The following DSCAM variants were observed in gnomAD, a reference collection of about 807,000 sequenced individuals.
DSCAM encodes the protein DS cell adhesion molecule.
A neutral mutation model predicts 217.7 loss-of-function variants in DSCAM; 47 were observed. The observed-to-expected ratio is 0.22, with a 90% CI of 0.17 to 0.28. DSCAM has a LOEUF of 0.28. Among genes scored for constraint, DSCAM ranks in the 10% least tolerant of loss-of-function variants. The pLI is 1.00. For synonymous variants in DSCAM, 1,056 were observed against 1,015.3 expected, an observed-to-expected ratio of 1.04 and a Z score of -0.76; for missense variants, 2,080 against 2,618.3, an observed-to-expected ratio of 0.79 and a Z score of 4.49.
intron 23 of DSCAM, among the ~76,000 whole-genome samples, chr21:40,084,978 T>C (rs1189119024): frequency 6.6e-6 from 1 of 152,172 alleles, no homozygotes; most frequent in Non-Finnish European, 1.5e-5. Context: ...AGCACACACT[T>C]TGATTTTTCT....
At chr21:40,412,711 C>T (rs182054089) in intron 3 of DSCAM, among the ~76,000 whole-genome samples, 2 of 152,130 alleles carry the variant, frequency 1.3e-5, no homozygotes, top group Non-Finnish European at 2.9e-5. Context: ...CATCACCATG[C>T]GATGGAAAAG....
At chr21:40,735,853 C>T (rs767064904) in intron 1 of DSCAM, among the ~76,000 whole-genome samples, 3 of 152,080 alleles carry the variant, frequency 2.0e-5, no homozygotes, top group Non-Finnish European at 2.9e-5. Context: ...AATGCATATC[C>T]TACATTTCAG....
chr21:40,323,436 C>A (rs1351680283), intron 8 of DSCAM, among the ~76,000 whole-genome samples: 1 of 152,154 alleles, frequency 6.6e-6, no homozygotes, highest in Non-Finnish European at 1.5e-5. Flanking sequence ...AGAATTAGTG[C>A]TGAGTTCTCT....
intron 1 of DSCAM, among the ~76,000 whole-genome samples, chr21:40,841,333 G>A (rs1259476961): frequency 6.6e-6 from 1 of 152,146 alleles, no homozygotes; most frequent in Non-Finnish European, 1.5e-5. Context: ...TGGATACTCC[G>A]TGGGGCTGCT....
chr21:40,301,001 TC>T (rs200464681), intron 9 of DSCAM, among the ~76,000 whole-genome samples: 3,336 of 152,238 alleles, frequency 0.022, 117 homozygotes, highest in African/African-American at 0.077. Flanking sequence ...TTACTGATTT[TC>T]TTTTCTCCCT....
intron 3 of DSCAM, among the ~76,000 whole-genome samples, chr21:40,385,539 G>T (rs1420172701): frequency 6.6e-6 from 1 of 152,190 alleles, no homozygotes; most frequent in Non-Finnish European, 1.5e-5. Context: ...CATAAGAGAC[G>T]TACTAATACG....
intron 11 of DSCAM, among the ~76,000 whole-genome samples, chr21:40,255,867 A>G (rs1024575584): frequency 1.3e-5 from 2 of 152,208 alleles, no homozygotes; most frequent in African/African-American, 4.8e-5. Context: ...ACAGTCAGAA[A>G]GAGCCAGGAA....
intron 8 of DSCAM, 82 bp downstream of exon 8, chr21:40,338,019 A>C (rs2074446033): frequency 1.3e-6 from 2 of 1,541,120 alleles, no homozygotes; most frequent in Admixed American, 3.6e-5. Flanking sequence ...CAGATCTTGG[A>C]TTACCCGACT....
At chr21:40,512,758 TG>T (rs2146064997) in intron 3 of DSCAM, among the ~76,000 whole-genome samples, 1 of 152,070 alleles carries the variant, frequency 6.6e-6, no homozygotes, top group East Asian at 1.9e-4. Flanking sequence ...CGTTCACACC[TG>T]GGCAAGGCCT....
At chr21:40,263,691 A>G (rs1271161544) in intron 11 of DSCAM, among the ~76,000 whole-genome samples, 1 of 152,208 alleles carries the variant, frequency 6.6e-6, no homozygotes, top group African/African-American at 2.4e-5. Context: ...AGCAGAAGAA[A>G]AGAAATAACA....
chr21:40,784,776 C>A (rs888948850), intron 1 of DSCAM, among the ~76,000 whole-genome samples: 1 of 152,168 alleles, frequency 6.6e-6, no homozygotes, highest in Non-Finnish European at 1.5e-5. Flanking sequence ...ATCTACGAAC[C>A]AGGAAGCAGG....
intron 11 of DSCAM, among the ~76,000 whole-genome samples, chr21:40,253,025 A>G (rs907921071): frequency 2.6e-5 from 4 of 152,158 alleles, no homozygotes; most frequent in Admixed American, 2.6e-4. Flanking sequence ...TTTGCTATTT[A>G]ATTGGGAAGT....
chr21:40,135,726 T>C (rs1045047159), intron 18 of DSCAM, among the ~76,000 whole-genome samples: 2 of 152,250 alleles, frequency 1.3e-5, no homozygotes, highest in Non-Finnish European at 1.5e-5. Flanking sequence ...GGATATTGCA[T>C]GGAGGTTCAC....
chr21:40,535,030 T>C (rs2076484501), intron 3 of DSCAM, among the ~76,000 whole-genome samples: 1 of 152,144 alleles, frequency 6.6e-6, no homozygotes, highest in South Asian at 2.1e-4. Context: ...GTGGTCACAG[T>C]TAAGACTGTA....
chr21:40,752,928 T>C (rs1282119335), intron 1 of DSCAM, among the ~76,000 whole-genome samples: 1 of 152,174 alleles, frequency 6.6e-6, no homozygotes, highest in Non-Finnish European at 1.5e-5. Context: ...AATGAAGTAA[T>C]AGATGAAATA....
chr21:40,614,244 T>C (rs2089357041), intron 3 of DSCAM, among the ~76,000 whole-genome samples: 1 of 152,226 alleles, frequency 6.6e-6, no homozygotes, highest in Admixed American at 6.5e-5. Flanking sequence ...AAGGGTTTTT[T>C]AGAGTCAAGA....
At chr21:40,201,731 G>A (rs1374727024) in intron 11 of DSCAM, among the ~76,000 whole-genome samples, 1 of 152,128 alleles carries the variant, frequency 6.6e-6, no homozygotes, top group Non-Finnish European at 1.5e-5. Flanking sequence ...ATGAGCCATT[G>A]TACTCAGCAG....
At chr21:40,844,990 G>A (rs2092133019) in intron 1 of DSCAM, among the ~76,000 whole-genome samples, 1 of 152,140 alleles carries the variant, frequency 6.6e-6, no homozygotes, top group African/African-American at 2.4e-5. Flanking sequence ...CTGTGTCTTT[G>A]GAACACATGT....
chr21:40,025,584 C>T, intron 32 of DSCAM, among the ~76,000 whole-genome samples: 1 of 150,636 alleles, frequency 6.6e-6, no homozygotes, highest in Non-Finnish European at 1.5e-5. Context: ...TCAACTTCTT[C>T]CTGGTTTAGT....
Sources: allele counts gnomAD v4.1 joint callset (sites outside exome capture counted in the v4.1 genomes callset), GRCh38; gene constraint gnomAD v4.1.1; transcripts MANE v1.5; gene names NCBI Gene and HGNC (gene_info 2026-07-23, HGNC 2026-07-21).